Variants in PRKDC observed in about 807,000 individuals in gnomAD.
PRKDC encodes DNA-dependent protein kinase catalytic subunit.
A neutral mutation model predicts 486.9 loss-of-function variants in PRKDC; 82 were observed. The ratio of observed to expected loss-of-function variants is 0.17; its 90% CI spans 0.14 to 0.20. PRKDC has a LOEUF of 0.20. Ranked by LOEUF, PRKDC falls within the 10% of genes least tolerant of loss-of-function variation. PRKDC has a pLI of 1.00. For missense variants in PRKDC, 4,504 were observed against 5,038.2 expected, an observed-to-expected ratio of 0.89 and a Z score of 3.21; for synonymous variants, 1,895 against 1,837.0, an observed-to-expected ratio of 1.03 and a Z score of -0.81.
chr8:47,892,402 C>G (rs1024062303), intron 31 of PRKDC, among the ~76,000 whole-genome samples: 1 of 152,152 alleles, frequency 6.6e-6, no homozygotes, highest in African/African-American at 2.4e-5. Context: ...ACAATCACGG[C>G]TCACTGTAGC....
intron 18 of PRKDC, 141 bp downstream of exon 18, chr8:47,929,712 A>G (rs1207221808): frequency 7.2e-6 from 7 of 969,978 alleles, no homozygotes; most frequent in Non-Finnish European, 4.3e-6. Flanking sequence ...TGCCATTCAC[A>G]TATCAATTTT....
At chr8:47,888,406 T>C in intron 34 of PRKDC, 112 bp downstream of exon 34, 1 of 907,326 alleles carries the variant, frequency 1.1e-6, no homozygotes, top group East Asian at 2.9e-5. Context: ...TTTCTATAAT[T>C]CCCATTTCAG....
intron 68 of PRKDC, among the ~76,000 whole-genome samples, chr8:47,812,000 G>A (rs956158161): frequency 2.0e-5 from 3 of 151,988 alleles, no homozygotes; most frequent in African/African-American, 7.2e-5. Context: ...TTTCCACCGT[G>A]GCATGTGTAT....
Position 47,953,885 on chromosome 8 carries a change from C to T in PRKDC, c.543G>A (p.Leu181=). ...LEKVYELLGL[L]GEVHPSEMIN... is the part of the protein sequence containing the mutation. ...TCATCTCACTAGGATGAACTTCACC[C>T]AATAATCCTAGGAGCTCATATACTT... is the stretch of plus-strand genomic sequence containing the variant. The change falls in exon 6 of 86, where the codon TTG becomes TTA. Residue 181 remains leucine (L), a synonymous_variant. Transcript: ENST00000314191. The T allele has an allele frequency of 6.4e-7, 1 of 1,560,806 alleles. No individual in the cohort carries two copies. Among genetic ancestry groups the T allele is most frequent in the Non-Finnish European group, 8.7e-7 (1 of 1,150,272 alleles).
chr8:47,957,221 A>T lies in PRKDC; in HGVS notation c.274T>A (p.Phe92Ile). The T allele has an allele frequency of 1.2e-6, 2 of 1,601,884 alleles. No individual in the cohort carries two copies. Among genetic ancestry groups the T allele is most frequent in the Non-Finnish European group, 1.7e-6 (2 of 1,171,204 alleles). The change falls in exon 3 of 86, where the codon TTC becomes ATC. Residue 92 changes from phenylalanine to isoleucine, a missense_variant. This residue lies in a region of PRKDC where 145 missense variants were observed against 136.3 expected (regional missense o/e 1.06). Transcript: ENST00000314191. ...REEILKFLCIFLEKMGQKIAP... is the reference protein window; with the variant it reads ...REEILKFLCIILEKMGQKIAP... ...ATCTTCTGGCCCATTTTTTCTAAGA[A>T]AATACATAAAAACTTTAGGATTTCT...
intron 68 of PRKDC, among the ~76,000 whole-genome samples, chr8:47,810,942 T>C (rs539028607): frequency 2.0e-5 from 3 of 152,150 alleles, no homozygotes; most frequent in South Asian, 2.1e-4. Flanking sequence ...TATGGAACAA[T>C]GTCAAAAGGC....
intron 51 of PRKDC, among the ~76,000 whole-genome samples, chr8:47,853,722 C>A (rs1378843235): frequency 1.3e-5 from 2 of 152,200 alleles, no homozygotes; most frequent in African/African-American, 4.8e-5. Context: ...CACCTCTCAC[C>A]TTCCAGCATG....
intron 71 of PRKDC, among the ~76,000 whole-genome samples, 160 bp downstream of exon 71, chr8:47,800,633 A>AAT (rs1384801323): frequency 6.6e-6 from 1 of 152,222 alleles, no homozygotes; most frequent in East Asian, 1.9e-4. Context: ...TAAATAAATA[A>AAT]AAACAAATAC....
intron 22 of PRKDC, among the ~76,000 whole-genome samples, chr8:47,917,458 TAA>T (rs1358034970): frequency 6.6e-6 from 1 of 152,194 alleles, no homozygotes; most frequent in African/African-American, 2.4e-5. Flanking sequence ...TTTTAGATGT[TAA>T]AAGTTTTTCA....
At chr8:47,945,232 T>G (rs1463792227) in intron 7 of PRKDC, among the ~76,000 whole-genome samples, 35 of 152,230 alleles carry the variant, frequency 2.3e-4, no homozygotes, top group Non-Finnish European at 1.5e-5. Context: ...AAGCATGGTC[T>G]TGTATCTGTT....
chr8:47,874,987 G>A (rs941376378), intron 40 of PRKDC, among the ~76,000 whole-genome samples: 29 of 152,104 alleles, frequency 1.9e-4, no homozygotes, highest in Admixed American at 1.6e-3. Flanking sequence ...CCCAGGAGGA[G>A]GTCAAGGCTG....
At chr8:47,827,118 TCA>T (rs61385951) in intron 62 of PRKDC, among the ~76,000 whole-genome samples, 40,846 of 127,644 alleles carry the variant, frequency 0.32, 6,256 homozygotes, top group Middle Eastern at 0.35. Flanking sequence ...AATATGAAGA[TCA>T]CACACACACA....
At chr8:47,928,290 T>G (rs771548617) in intron 19 of PRKDC, among the ~76,000 whole-genome samples, 6 of 151,776 alleles carry the variant, frequency 4.0e-5, no homozygotes, top group Non-Finnish European at 7.4e-5. Flanking sequence ...TAGGTGGGAT[T>G]ACAGGCATGT....
chr8:47,870,516 A>AG (rs2088927120), intron 40 of PRKDC, among the ~76,000 whole-genome samples: 3 of 152,338 alleles, frequency 2.0e-5, no homozygotes, highest in South Asian at 2.1e-4. Flanking sequence ...ATTAGGACTT[A>AG]GGGTGGCCCC....
chr8:47,789,277 T>A, intron 74 of PRKDC, 39 bp from the exon 75 acceptor site: 2 of 1,230,648 alleles, frequency 1.6e-6, no homozygotes, highest in Non-Finnish European at 2.2e-6. Flanking sequence ...CAATCAAATA[T>A]CTTCCAAAAA....
At chr8:47,922,713 T>C (rs879581476) in intron 21 of PRKDC, among the ~76,000 whole-genome samples, 2 of 152,166 alleles carry the variant, frequency 1.3e-5, no homozygotes, top group Non-Finnish European at 2.9e-5. Flanking sequence ...ACCCCATAAA[T>C]CTTTGTTTTG....
intron 76 of PRKDC, among the ~76,000 whole-genome samples, chr8:47,787,956 A>G (rs1019973735): frequency 6.6e-6 from 1 of 152,256 alleles, no homozygotes; most frequent in Non-Finnish European, 1.5e-5. Context: ...TGTGAATTAT[A>G]TAGTAACAAA....
intron 54 of PRKDC, among the ~76,000 whole-genome samples, chr8:47,843,808 G>A (rs1249031012): frequency 6.6e-6 from 1 of 152,102 alleles, no homozygotes; most frequent in Non-Finnish European, 1.5e-5. Context: ...GTTTCATAAG[G>A]AAAGAAAAAA....
At chr8:47,926,075 AC>A (rs2090152616) in intron 21 of PRKDC, among the ~76,000 whole-genome samples, 3 of 152,192 alleles carry the variant, frequency 2.0e-5, no homozygotes, top group Admixed American at 1.3e-4. Flanking sequence ...CTAATCTAAA[AC>A]TTTTCAATGA....
Sources: allele counts gnomAD v4.1 joint callset (sites outside exome capture counted in the v4.1 genomes callset), GRCh38; gene constraint gnomAD v4.1.1; regional missense constraint gnomAD v4.1.1; transcripts MANE v1.5; gene names NCBI Gene and HGNC (gene_info 2026-07-23, HGNC 2026-07-21).